Variants in SFMBT2 observed in about 807,000 individuals in gnomAD.
The protein encoded by SFMBT2 is scm-like with four MBT domains protein 2.
Under a neutral mutation model 110.1 loss-of-function variants are expected in SFMBT2, and 38 were observed. That is an observed-to-expected ratio of 0.35 (90% CI 0.27 to 0.45). The LOEUF is 0.45. Ranked by LOEUF, SFMBT2 falls within the 20% of genes least tolerant of loss-of-function variation. The probability of loss-of-function intolerance (pLI) is 1.00; values close to 1 mark genes in which losing one functional copy is unlikely to be tolerated. For synonymous variants in SFMBT2, 425 were observed against 425.4 expected (o/e 1.00, Z 0.01); for missense variants, 1,011 against 1,094.9 (o/e 0.92, Z 1.08).
chr10:7,217,412 A>G lies in SFMBT2; in HGVS notation c.1330+2999T>C, dbSNP rs536151583. Among the ~76,000 whole-genome samples the G allele has an allele frequency of 1.9e-3, 293 of 152,330 alleles. 1 individual carries two copies. Among genetic ancestry groups the G allele is most frequent in the Non-Finnish European group, 3.5e-3 (235 of 68,032 alleles). On this transcript the variant is annotated intron_variant, in intron 11 of 20. Transcript: ENST00000397167. ...ATGAAACCACCCAAAAGTTCTTGTC[A>G]ATCTCTTGCATTAACTGCTAAACGT...
At chr10:7,314,611 TA>T (rs749223383) in intron 4 of SFMBT2, among the ~76,000 whole-genome samples, 28 of 152,036 alleles carry the variant, frequency 1.8e-4, no homozygotes, top group Non-Finnish European at 3.7e-4. Flanking sequence ...AAAACATGCA[TA>T]AAAAACCAGA....
chr10:7,324,981 T>TTTTTTG (rs1843333626), intron 4 of SFMBT2, among the ~76,000 whole-genome samples: 1 of 148,228 alleles, frequency 6.7e-6, no homozygotes, highest in Non-Finnish European at 1.5e-5. Context: ...TTTTTTTTTT[T>TTTTTTG]TTTTGAGACG....
intron 4 of SFMBT2, among the ~76,000 whole-genome samples, chr10:7,316,921 G>A (rs1463886436): frequency 1.3e-5 from 2 of 152,034 alleles, no homozygotes; most frequent in Non-Finnish European, 2.9e-5. Flanking sequence ...ACATACATAT[G>A]TGCATGCCTA....
intron 1 of SFMBT2, among the ~76,000 whole-genome samples, chr10:7,400,555 T>A (rs566879160): frequency 3.0e-4 from 45 of 152,300 alleles, no homozygotes; most frequent in African/African-American, 1.1e-3. Context: ...GCGGTTGGCA[T>A]CTCCTCACCT....
intron 4 of SFMBT2, among the ~76,000 whole-genome samples, chr10:7,339,124 CA>C (rs1843812173): frequency 6.6e-6 from 1 of 152,102 alleles, no homozygotes; most frequent in South Asian, 2.1e-4. Flanking sequence ...CCTGTAGTCC[CA>C]GCTACTCAGG....
chr10:7,208,280 C>T (rs758002739), intron 11 of SFMBT2, among the ~76,000 whole-genome samples: 2 of 152,138 alleles, frequency 1.3e-5, no homozygotes, highest in African/African-American at 2.4e-5. Context: ...CCTCCGCAGA[C>T]CCAAAGAGCA....
intron 2 of SFMBT2, among the ~76,000 whole-genome samples, chr10:7,378,642 A>G (rs1435205645): frequency 4.7e-5 from 4 of 85,058 alleles, no homozygotes; most frequent in South Asian, 4.3e-4. Flanking sequence ...GGGTGGATGG[A>G]TGGGTGTGAG....
chr10:7,399,871 A>T (rs1007678216), intron 1 of SFMBT2, among the ~76,000 whole-genome samples: 1 of 152,204 alleles, frequency 6.6e-6, no homozygotes, highest in South Asian at 2.1e-4. Context: ...TAAAACCAAG[A>T]GGATGTGGTA....
chr10:7,176,632 G>A, intron 16 of SFMBT2: 2 of 391,362 alleles, frequency 5.1e-6, no homozygotes, highest in African/African-American at 2.2e-5. Context: ...TGTCAAGACT[G>A]TGTATCATAT....
chr10:7,266,139 G>A (rs1841383077), intron 7 of SFMBT2, among the ~76,000 whole-genome samples: 1 of 151,766 alleles, frequency 6.6e-6, no homozygotes, highest in Non-Finnish European at 1.5e-5. Flanking sequence ...ACCCAGGCTG[G>A]AGTGCAATAG....
At chr10:7,178,284 G>C (rs1414059851) in intron 16 of SFMBT2, among the ~76,000 whole-genome samples, 1 of 152,132 alleles carries the variant, frequency 6.6e-6, no homozygotes, top group Admixed American at 6.5e-5. Flanking sequence ...TTAAGCACTT[G>C]TCTCTGATCT....
chr10:7,248,567 G>C lies in SFMBT2; in HGVS notation c.953C>G (p.Ser318Cys). The change falls in exon 8 of 21, where the codon TCT becomes TGT. Residue 318 changes from serine (S) to cysteine (C), a missense_variant. By Grantham distance (112) the Ser-to-Cys change is moderately radical. This residue lies in a region of SFMBT2 where 979 missense variants were observed against 1,016.1 expected (regional missense o/e 0.96). Transcript: ENST00000397167. Reference protein sequence around the residue: ...TVNMCEPFYISPASVTKVFNN... With the variant: ...TVNMCEPFYICPASVTKVFNN... ...ACCCACCTTAGTCACCGACGCAGGA[G>C]AGATGTAAAAGGGCTCGCACATATT... 6.2e-7 allele frequency: 1 copy of C among 1,614,158 alleles called. No individual in the cohort carries two copies. The highest frequency in any genetic ancestry group is 8.5e-7 in the Non-Finnish European group (1 of 1,179,990).
chr10:7,164,746 AAC>A (rs58744416), intron 20 of SFMBT2, among the ~76,000 whole-genome samples: 8,661 of 137,706 alleles, frequency 0.063, 285 homozygotes, highest in Admixed American at 0.099. Flanking sequence ...CATAAAGGGA[AAC>A]ACACACACAC....
intron 10 of SFMBT2, among the ~76,000 whole-genome samples, chr10:7,223,317 C>T (rs1420387289): frequency 2.0e-5 from 3 of 152,082 alleles, no homozygotes; most frequent in Non-Finnish European, 4.4e-5. Flanking sequence ...TTTTCAAAAT[C>T]CAGCCATTGT....
chr10:7,316,115 C>T (rs1057237896), intron 4 of SFMBT2, among the ~76,000 whole-genome samples: 4 of 152,148 alleles, frequency 2.6e-5, no homozygotes, highest in Admixed American at 1.3e-4. Flanking sequence ...AGAGCCAAAA[C>T]GCATGACCTC....
intron 4 of SFMBT2, among the ~76,000 whole-genome samples, chr10:7,331,603 G>C (rs1450852345): frequency 1.3e-5 from 2 of 152,068 alleles, no homozygotes; most frequent in African/African-American, 4.8e-5. Context: ...CCACTGTGGT[G>C]GTAAAGATCC....
Position 7,171,012 on chromosome 10 carries a change from G to A in SFMBT2, c.2460C>T (p.Asn820=), listed in dbSNP as rs1415307115. ...CGTCGGTGACCGTCCACTCCAACGG[G>A]TTGCTCTCCAGAACCAGTCTCTCCT... ...EEEERLVLES[N]PLEWTVTDVV... The change falls in exon 20 of 21, where the codon AAC becomes AAT. Residue 820 remains asparagine (N), a synonymous_variant. Transcript: ENST00000397167. The surrounding 1 kb of genome is among the most constrained non-coding windows in gnomAD (Gnocchi z 4.9). 2 of 1,614,064 alleles carry A rather than the reference G, an allele frequency of 1.2e-6. No individual in the cohort carries two copies. Among genetic ancestry groups the A allele is most frequent in the South Asian group, 1.1e-5 (1 of 91,086 alleles).
chr10:7,215,980 A>G (rs1189820074), intron 11 of SFMBT2, among the ~76,000 whole-genome samples: 2 of 152,148 alleles, frequency 1.3e-5, no homozygotes, highest in East Asian at 3.9e-4. Flanking sequence ...TTTCCTCTTC[A>G]TTCTCTCTCG....
At chr10:7,229,231 A>C (rs1840038882) in intron 9 of SFMBT2, among the ~76,000 whole-genome samples, 1 of 152,214 alleles carries the variant, frequency 6.6e-6, no homozygotes, top group East Asian at 1.9e-4. Context: ...ACTTATCATA[A>C]GGACTTTTAG....
Sources: gnomAD v4.1 joint callset for allele counts (sites outside exome capture counted in the v4.1 genomes callset) on GRCh38, gnomAD v4.1.1 for gene constraint, gnomAD v4.1.1 regional missense constraint, Gnocchi (gnomAD v3.1) non-coding constraint, MANE v1.5 for transcripts, NCBI Gene and HGNC (gene_info 2026-07-23, HGNC 2026-07-21) for gene names.